Variants in CD14 observed in about 807,000 individuals in gnomAD.
CD14 encodes the protein CD14 molecule.
CD14 carries 4 observed loss-of-function variants against 2.5 expected under a neutral mutation model. That is an observed-to-expected ratio of 1.63 (90% CI 0.80 to 3.72). CD14 has a LOEUF of 3.72. CD14 is among the 30% of genes most tolerant of loss of function. The pLI, the probability that CD14 is intolerant of heterozygous loss-of-function variation, is 0.01. For missense variants in CD14, 478 were observed against 497.8 expected (o/e 0.96, Z 0.38); for synonymous variants, 236 against 235.1 (o/e 1.00, Z -0.04).
Position 140,632,036 on chromosome 5 carries a change from G to A in CD14, c.948C>T (p.Asp316=), listed in dbSNP as rs369368058. Residue 316 remains aspartate (D), a synonymous_variant, in exon 2 of 2, where the codon GAC becomes GAT. Transcript: ENST00000302014. The surrounding 1 kb of genome is among the most constrained non-coding windows in gnomAD (Gnocchi z 6.2). ...CNRLNRAPQP[D]ELPEVDNLTL... ...TCAGGTTATCCACCTCGGGCAGCTCGTCAGGCTGCGGCGCCCTGTTCAGTC... is the reference window on the plus strand; with the variant it reads ...TCAGGTTATCCACCTCGGGCAGCTCATCAGGCTGCGGCGCCCTGTTCAGTC... 4 of 1,614,064 alleles carry A rather than the reference G, an allele frequency of 2.5e-6. No individual in the cohort carries two copies. Among genetic ancestry groups the A allele is most frequent in the Non-Finnish European group, 3.4e-6 (4 of 1,180,028 alleles).
chr5:140,631,800 C>G lies in CD14; in HGVS notation c.*56G>C. The G allele has an allele frequency of 6.8e-6, 10 of 1,473,404 alleles. 1 individual carries two copies. The South Asian group carries it at 1.4e-4, about 20-fold the overall frequency. The allele number at this position is 1,473,404 out of a possible 1,614,324, so 91.3% of individuals were successfully genotyped here. ...GGTCGAAAAGTCCTCAACGTCCTGA[C>G]GGGACTCCCCTGAAGCCAAGGCAGT... On this transcript the variant is annotated 3_prime_UTR_variant, in exon 2 of 2. Coordinates refer to ENST00000302014, the MANE Select transcript of CD14 (RefSeq NM_000591.4).
chr5:140,633,346 A>C (rs530138536), upstream of CD14: 385 of 578,684 alleles, frequency 6.7e-4, no homozygotes, highest in Non-Finnish European at 9.9e-4. Context: ...AACAGGAAGG[A>C]TTCTGCAGGG....
chr5:140,632,355 C>A lies in CD14; in HGVS notation c.629G>T (p.Arg210Leu). The change falls in exon 2 of 2, where the codon CGC becomes CTC. Residue 210 changes from arginine to leucine, a missense_variant. Physicochemically the swap from Arg to Leu is moderately radical, Grantham distance 102 (BLOSUM62 -2). Transcript: ENST00000302014. The surrounding 1 kb of genome is among the most constrained non-coding windows in gnomAD (Gnocchi z 6.2). ...GGGACAGAGAGCCGCCATCAGTCCG[C>A]GTTCGCCCAGTCCAGGATTGTCAGA... The part of the protein sequence containing the change: ...DLSDNPGLGE[R>L]GLMAALCPHK... 2 of 1,614,154 alleles carry A rather than the reference C, an allele frequency of 1.2e-6. No individual in the cohort carries two copies. Among genetic ancestry groups the A allele is most frequent in the African/African-American group, 2.7e-5 (2 of 75,078 alleles).
Position 140,632,545 on chromosome 5 carries a change from A to G in CD14, c.439T>C (p.Leu147=), listed in dbSNP as rs1225583427. 7 of 1,614,160 alleles carry G rather than the reference A, an allele frequency of 4.3e-6. No homozygotes were observed. In the Admixed American group the frequency reaches 8.3e-5, roughly 19 times the overall value. ...LEATGLALSS[L]RLRNVSWATG... is the part of the protein sequence containing the mutation. ...GCCCACGACACGTTGCGTAGGCGCA[A>G]GCTGGAAAGTGCAAGTCCTGTGGCT... Residue 147 remains leucine (L), a synonymous_variant, in exon 2 of 2, where the codon TTG becomes CTG. Transcript: ENST00000302014. This position sits in a 1 kb window ranked among gnomAD's most constrained non-coding sequence, Gnocchi z 6.2.
chr5:140,631,972 G>T lies in CD14; in HGVS notation c.1012C>A (p.Leu338Ile), dbSNP rs1756590243. The change falls in exon 2 of 2, where the codon CTC (leucine) becomes ATC (isoleucine). Residue 338 changes from leucine (L) to isoleucine (I), a missense_variant. By Grantham distance (5) the Leu-to-Ile change is conservative. Transcript: ENST00000302014. ...GNPFLVPGTALPHEGSMNSGV... is the reference protein window; with the variant it reads ...GNPFLVPGTAIPHEGSMNSGV... ...GAGTTCATTGAGCCCTCGTGGGGGA[G>T]GGCAGTTCCAGGGACCAGGAAGGGA... 6.2e-7 allele frequency: 1 copy of T among 1,613,704 alleles called. No homozygotes were observed. The highest frequency in any genetic ancestry group is 8.5e-7 in the Non-Finnish European group (1 of 1,179,744).
Position 140,631,879 on chromosome 5 carries a change from G to A in CD14, c.1105C>T (p.Gln369Ter). ...VGVSGTLVLL[Q>*]GARGFA ...TCTTAGGCAAAGCCCCGGGCCCCTT[G>A]GAGCAGCACCAGGGTTCCCGACACC... The change falls in exon 2 of 2, where the codon CAA becomes TAA. Residue 369 changes from glutamine to a stop codon, truncating the protein, a stop_gained. Coordinates refer to ENST00000302014, the MANE Select transcript of CD14 (RefSeq NM_000591.4). LOFTEE classifies it high-confidence loss of function. The A allele has an allele frequency of 1.3e-6, 2 of 1,573,904 alleles. No homozygotes were observed. The highest frequency in any genetic ancestry group is 2.7e-5 in the African/African-American group (2 of 74,148).
Position 140,632,087 on chromosome 5 carries a change from G to A in CD14, c.897C>T (p.Leu299=). Residue 299 remains leucine, a synonymous_variant, in exon 2 of 2, where the codon CTC becomes CTT. Coordinates refer to ENST00000302014, the MANE Select transcript of CD14 (RefSeq NM_000591.4). The surrounding 1 kb of genome is among the most constrained non-coding windows in gnomAD (Gnocchi z 6.2). ...EQVPKGLPAK[L]RVLDLSCNRL... ...TGTTGCAGCTGAGATCGAGCACTCT[G>A]AGCTTGGCTGGCAGTCCTTTAGGCA... 1 of 1,614,214 alleles carries A rather than the reference G, an allele frequency of 6.2e-7. No homozygotes were observed. The highest frequency in any genetic ancestry group is 8.5e-7 in the Non-Finnish European group (1 of 1,180,040).
upstream of CD14, chr5:140,633,213 G>T: frequency 9.5e-7 from 1 of 1,048,778 alleles, no homozygotes; most frequent in Non-Finnish European, 1.4e-6. Context: ...ATGTAATCCT[G>T]GGATGTCATT....
rs746280579 is a variant in CD14, at chr5:140,632,258, G to T, written c.726C>A (p.Ala242=). The T allele has an allele frequency of 9.3e-6, 15 of 1,613,708 alleles. No individual in the cohort carries two copies. In the South Asian group the frequency reaches 1.6e-4, roughly 18 times the overall value. The change falls in exon 2 of 2, where the codon GCC becomes GCA. Residue 242 remains alanine, a synonymous_variant. Coordinates refer to ENST00000302014, the MANE Select transcript of CD14 (RefSeq NM_000591.4). This position sits in a 1 kb window ranked among gnomAD's most constrained non-coding sequence, Gnocchi z 6.2. The part of the protein sequence containing the change: ...TGMETPTGVC[A]ALAAAGVQPH... ...GCTGCACACCTGCCGCCGCCAGTGC[G>T]GCGCACACGCCTGTGGGCGTCTCCA...
rs1756655222 is a variant in CD14 at position 140,632,913 on chromosome 5, G to T, written c.71C>A (p.Pro24His). The T allele has an allele frequency of 1.9e-6, 3 of 1,614,076 alleles. No individual in the cohort carries two copies. In the African/African-American group the frequency reaches 4.0e-5, roughly 22 times the overall value. ...GAAATCTTCATCGTCCAGCTCACAA[G>T]GTTCTGGCGTGGTCGCAGAGACGTG... ...LVHVSATTPE[P>H]CELDDEDFRC... The change falls in exon 2 of 2, where the codon CCT (proline) becomes CAT (histidine). Residue 24 changes from proline to histidine, a missense_variant. Pro to His is a moderately conservative substitution (Grantham distance 77). Coordinates refer to ENST00000302014, the MANE Select transcript of CD14 (RefSeq NM_000591.4). This position sits in a 1 kb window ranked among gnomAD's most constrained non-coding sequence, Gnocchi z 6.2.
In CD14 at chr5:140,632,653, G is replaced by T. The variant is rs772326019; in HGVS notation, c.331C>A (p.Arg111Ser). ...TTGAGGCGGGAGTACGCTAGCACACGCAGGGCGCCTACCAGTAGCTGAGCA... is the reference window on the plus strand; with the variant it reads ...TTGAGGCGGGAGTACGCTAGCACACTCAGGGCGCCTACCAGTAGCTGAGCA... ...VPAQLLVGALRVLAYSRLKEL... is the reference protein window; with the variant it reads ...VPAQLLVGALSVLAYSRLKEL... The change falls in exon 2 of 2, where the codon CGT becomes AGT. Residue 111 changes from arginine (R) to serine (S), a missense_variant. Arg to Ser is a moderately radical substitution (Grantham distance 110). Transcript: ENST00000302014. This position sits in a 1 kb window ranked among gnomAD's most constrained non-coding sequence, Gnocchi z 6.2. 2 of 1,613,562 alleles carry T rather than the reference G, an allele frequency of 1.2e-6. No homozygotes were observed. The highest frequency in any genetic ancestry group is 1.7e-6 in the Non-Finnish European group (2 of 1,180,006).
At position 140,632,100 on chromosome 5, in the gene CD14, A is replaced by G. The variant is rs1313953319; in HGVS notation, c.884T>C (p.Leu295Pro). ...FAGLEQVPKG[L>P]PAKLRVLDLS... ...ATCGAGCACTCTGAGCTTGGCTGGC[A>G]GTCCTTTAGGCACCTGTTCCAGCCC... The change falls in exon 2 of 2, where the codon CTG becomes CCG. Residue 295 changes from leucine to proline, a missense_variant. Coordinates refer to ENST00000302014, the MANE Select transcript of CD14 (RefSeq NM_000591.4). This position sits in a 1 kb window ranked among gnomAD's most constrained non-coding sequence, Gnocchi z 6.2. The G allele has an allele frequency of 1.9e-6, 3 of 1,614,232 alleles. No homozygotes were observed. Among genetic ancestry groups the G allele is most frequent in the Middle Eastern group, 1.6e-4 (1 of 6,062 alleles).
At position 140,631,918 on chromosome 5, in the gene CD14, T is replaced by A; in HGVS notation, c.1066A>T (p.Thr356Ser). ...SGVVPACARS[T>S]LSVGVSGTLV... ...GTTCCCGACACCCCCACCGACAGGG[T>A]CGAACGTGCACAGGCTGGGACCACG... Residue 356 changes from threonine to serine, a missense_variant, in exon 2 of 2, where the codon ACC becomes TCC. Coordinates refer to ENST00000302014, the MANE Select transcript of CD14 (RefSeq NM_000591.4). 6.2e-7 allele frequency: 1 copy of A among 1,601,610 alleles called. No homozygotes were observed. The highest frequency in any genetic ancestry group is 8.5e-7 in the Non-Finnish European group (1 of 1,170,582).
In CD14 at chr5:140,632,763, T is replaced by C. The variant is rs759079212; in HGVS notation, c.221A>G (p.Asp74Gly). The C allele has an allele frequency of 2.3e-5, 37 of 1,613,358 alleles. No homozygotes were observed. Among genetic ancestry groups the C allele is most frequent in the Non-Finnish European group, 3.1e-5 (37 of 1,179,994 alleles). The change falls in exon 2 of 2, where the codon GAT (aspartate) becomes GGT (glycine). Residue 74 changes from aspartate (D) to glycine (G), a missense_variant. Transcript: ENST00000302014. This position sits in a 1 kb window ranked among gnomAD's most constrained non-coding sequence, Gnocchi z 6.2. The part of the protein sequence containing the change: ...LNLEPFLKRV[D>G]ADADPRQYAD... ...ATACTGCCGCGGGTCGGCGTCCGCA[T>C]CGACGCGCTTTAGAAACGGCTCTAG...
chr5:140,633,236 C>T (rs56104721), upstream of CD14: 278 of 820,712 alleles, frequency 3.4e-4, 1 homozygote, highest in Admixed American at 2.3e-3. Flanking sequence ...GTTCCCTCCT[C>T]TGTGAACCCT....
Position 140,632,269 on chromosome 5 carries a change from C to T in CD14, c.715G>A (p.Gly239Ser). The change falls in exon 2 of 2, where the codon GGC becomes AGC. Residue 239 changes from glycine to serine, a missense_variant. Transcript: ENST00000302014. This position sits in a 1 kb window ranked among gnomAD's most constrained non-coding sequence, Gnocchi z 6.2. ...GCCGCCGCCAGTGCGGCGCACACGCCTGTGGGCGTCTCCATTCCTGTGTTG... is the reference window on the plus strand; with the variant it reads ...GCCGCCGCCAGTGCGGCGCACACGCTTGTGGGCGTCTCCATTCCTGTGTTG... ...LRNTGMETPT[G>S]VCAALAAAGV... The T allele has an allele frequency of 6.2e-7, 1 of 1,613,780 alleles. No homozygotes were observed. The highest frequency in any genetic ancestry group is 8.5e-7 in the Non-Finnish European group (1 of 1,180,046).
Position 140,632,482 on chromosome 5 carries a change from G to A in CD14, c.502C>T (p.Leu168Phe). ...CTCAGTACCTTGAGGCCTGGCTTGA[G>A]CCACTGCTGCAGCTCGGCGAGCCAA... Reference protein sequence around the residue: ...RSWLAELQQWLKPGLKVLSIA... With the variant: ...RSWLAELQQWFKPGLKVLSIA... The change falls in exon 2 of 2, where the codon CTC becomes TTC. Residue 168 changes from leucine (L) to phenylalanine (F), a missense_variant. By Grantham distance (22) the Leu-to-Phe change is conservative. Transcript: ENST00000302014. This position sits in a 1 kb window ranked among gnomAD's most constrained non-coding sequence, Gnocchi z 6.2. 1.2e-6 allele frequency: 2 copies of A among 1,614,072 alleles called. No homozygotes were observed. The highest frequency in any genetic ancestry group is 2.2e-5 in the South Asian group (2 of 91,090).
rs1383021613 is a variant in CD14 at position 140,632,798 on chromosome 5, G to A, written c.186C>T (p.Gly62=). The change falls in exon 2 of 2, where the codon GGC becomes GGT. Residue 62 remains glycine (G), a synonymous_variant. Transcript: ENST00000302014. This position sits in a 1 kb window ranked among gnomAD's most constrained non-coding sequence, Gnocchi z 6.2. ...VSAVEVEIHA[G]GLNLEPFLKR... ...TTAGAAACGGCTCTAGGTTGAGACC[G>A]CCGGCATGGATCTCCACCTCTACTG... is the stretch of plus-strand genomic sequence containing the variant. The A allele has an allele frequency of 3.1e-6, 5 of 1,613,498 alleles. No individual in the cohort carries two copies. Among genetic ancestry groups the A allele is most frequent in the Non-Finnish European group, 2.5e-6 (3 of 1,180,034 alleles).
In CD14 at chr5:140,631,860, G is replaced by A. The variant is rs1280208169; in HGVS notation, c.1124C>T (p.Ala375Val). The change falls in exon 2 of 2, where the codon GCC (alanine) becomes GTC (valine). Residue 375 changes from alanine to valine, a missense_variant. Physicochemically the swap from Ala to Val is moderately conservative, Grantham distance 64. Coordinates refer to ENST00000302014, the MANE Select transcript of CD14 (RefSeq NM_000591.4). ...LVLLQGARGF[A>V] ...TTCATTATTCTGTCTTGGATCTTAG[G>A]CAAAGCCCCGGGCCCCTTGGAGCAG... 5.8e-6 allele frequency: 9 copies of A among 1,550,266 alleles called. No individual in the cohort carries two copies. In the African/African-American group the frequency reaches 8.2e-5, roughly 14 times the overall value.
Sources: allele counts gnomAD v4.1 joint callset, GRCh38; gene constraint gnomAD v4.1.1; non-coding constraint Gnocchi (gnomAD v3.1); transcripts MANE v1.5; gene names NCBI Gene and HGNC (gene_info 2026-07-23, HGNC 2026-07-21).